The following KATNAL2 variants were observed in gnomAD, a reference collection of about 807,000 sequenced individuals.
The protein encoded by KATNAL2 is katanin p60 ATPase-containing subunit A-like 2.
In KATNAL2, 52 loss-of-function variants were observed where a neutral mutation model predicts 76.3. The ratio of observed to expected loss-of-function variants is 0.68; its 90% CI spans 0.55 to 0.86. The LOEUF (loss-of-function observed/expected upper bound fraction) is 0.86, where lower values mean the gene tolerates loss of function less well. Ranked by LOEUF, KATNAL2 falls within the 40% of genes least tolerant of loss-of-function variation. The probability of loss-of-function intolerance (pLI) is 0.00; values close to 1 mark genes in which losing one functional copy is unlikely to be tolerated. For synonymous variants in KATNAL2, 243 were observed against 244.2 expected (o/e 1.00, Z 0.05); for missense variants, 660 against 668.9 (o/e 0.99, Z 0.15).
chr18:47,058,335 A>G lies in KATNAL2; in HGVS notation c.433A>G (p.Lys145Glu). 1 of 1,611,824 alleles carries G rather than the reference A, an allele frequency of 6.2e-7. No individual in the cohort carries two copies. The highest frequency in any genetic ancestry group is 8.5e-7 in the Non-Finnish European group (1 of 1,177,914). The part of the protein sequence containing the change: ...GKTGDTKSLN[K>E]EHPNQEVVDN... ...GACAGGGGACACCAAATCGCTCAATAAGGAGCATCCTAATCAGGTCAGGAT... is the reference window on the plus strand; with the variant it reads ...GACAGGGGACACCAAATCGCTCAATGAGGAGCATCCTAATCAGGTCAGGAT... The change falls in exon 7 of 18, where the codon AAG becomes GAG. Residue 145 changes from lysine to glutamate, a missense_variant. By Grantham distance (56) the Lys-to-Glu change is moderately conservative. Coordinates refer to ENST00000683218, the MANE Select transcript of KATNAL2 (RefSeq NM_001387690.1).
At chr18:46,920,021 CAGTA>C in intron 1 of KATNAL2, 2 of 1,276,610 alleles carry the variant, frequency 1.6e-6, no homozygotes, top group Non-Finnish European at 1.0e-6. Flanking sequence ...AAACACAAAA[CAGTA>C]AGAAAAGAAA....
rs145116787 is a variant in KATNAL2, at chr18:47,037,517, G to A, written c.52-8940G>A. 2.0e-4 allele frequency among the ~76,000 whole-genome samples: 30 copies of A among 152,160 alleles called. No homozygotes were observed. The East Asian group carries it at 4.2e-3, about 22-fold the overall frequency. ...TACAGTTTAAATGGATCCTTTTTGC[G>A]GGGAATGGCTCATTCTTAGTTTTTT... On this transcript the variant is annotated intron_variant, in intron 3 of 17. Transcript: ENST00000683218.
At chr18:47,098,148 T>C in intron 15 of KATNAL2, 1 of 297,984 alleles carries the variant, frequency 3.4e-6, no homozygotes, top group Non-Finnish European at 6.7e-6. Flanking sequence ...AGATGTTCAA[T>C]TGTTTTATTC....
chr18:47,082,758 C>T (rs2062587909), intron 15 of KATNAL2, among the ~76,000 whole-genome samples: 2 of 152,114 alleles, frequency 1.3e-5, no homozygotes, highest in Non-Finnish European at 2.9e-5. Flanking sequence ...GTGGAGACCA[C>T]ACTTTGTGTA....
At chr18:47,086,960 G>T (rs781682172) in intron 15 of KATNAL2, among the ~76,000 whole-genome samples, 1 of 152,046 alleles carries the variant, frequency 6.6e-6, no homozygotes, top group Non-Finnish European at 1.5e-5. Context: ...GTTGACATGC[G>T]AATCATACAT....
chr18:47,063,326 A>G lies in KATNAL2; in HGVS notation c.691A>G (p.Ser231Gly), dbSNP rs536393526. Reference sequence around the variant, plus strand: ...TCTGAGTGCATTTATTGGCATGAACAGTGAGATGCGAGAATTGGCAGCCGT... The same window carrying G: ...TCTGAGTGCATTTATTGGCATGAACGGTGAGATGCGAGAATTGGCAGCCGT... ...KPLSAFIGMN[S>G]EMRELAAVVS... Residue 231 changes from serine (S) to glycine (G), a missense_variant, in exon 10 of 18, where the codon AGT (serine) becomes GGT (glycine). Ser to Gly is a moderately conservative substitution (Grantham distance 56). Coordinates refer to ENST00000683218, the MANE Select transcript of KATNAL2 (RefSeq NM_001387690.1). 102 of 1,613,938 alleles carry G rather than the reference A, an allele frequency of 6.3e-5. No individual in the cohort carries two copies. In the East Asian group the frequency reaches 7.8e-4, roughly 12 times the overall value.
chr18:47,043,657 G>A lies in KATNAL2; in HGVS notation c.52-2800G>A, dbSNP rs548833964. Among the ~76,000 whole-genome samples, 6 of 152,272 alleles carry A rather than the reference G, an allele frequency of 3.9e-5. No individual in the cohort carries two copies. The South Asian group carries it at 1.0e-3, about 26-fold the overall frequency. On this transcript the variant is annotated intron_variant, in intron 3 of 17. Transcript: ENST00000683218. ...GTCAGTCTCTAGAGTAGAACGGGAG[G>A]ATAGAGGCTCCAAGAGGGAAGCAAG... is the stretch of plus-strand genomic sequence containing the variant.
chr18:47,099,407 T>A lies in KATNAL2; in HGVS notation c.1374+2T>A. The A allele has an allele frequency of 6.2e-7, 1 of 1,607,778 alleles. No individual in the cohort carries two copies. Among genetic ancestry groups the A allele is most frequent in the Non-Finnish European group, 8.5e-7 (1 of 1,176,158 alleles). ...CTGGAGTACAGTGTGCTGAGCCAGGTCAGCTGCCCTGGAGAGGGGCACATG... is the reference window on the plus strand; with the variant it reads ...CTGGAGTACAGTGTGCTGAGCCAGGACAGCTGCCCTGGAGAGGGGCACATG... On this transcript the variant is annotated splice_donor_variant, in intron 16 of 17. Coordinates refer to ENST00000683218, the MANE Select transcript of KATNAL2 (RefSeq NM_001387690.1). LOFTEE classifies it high-confidence loss of function.
intron 3 of KATNAL2, among the ~76,000 whole-genome samples, chr18:46,949,855 C>A (rs7232114): frequency 3.9e-5 from 6 of 152,166 alleles, no homozygotes; most frequent in African/African-American, 9.6e-5. Flanking sequence ...GCTATTACCC[C>A]TTGGTTTTTG....
chr18:46,941,206 C>G (rs1181696263), intron 1 of KATNAL2, among the ~76,000 whole-genome samples: 1 of 151,880 alleles, frequency 6.6e-6, no homozygotes, highest in Non-Finnish European at 1.5e-5. Flanking sequence ...CACCTGTAAT[C>G]CCAGCTACTG....
intron 4 of KATNAL2, among the ~76,000 whole-genome samples, chr18:47,047,342 A>G (rs1003543176): frequency 2.6e-5 from 4 of 152,244 alleles, no homozygotes; most frequent in African/African-American, 9.6e-5. Context: ...ATTTGAAGAT[A>G]GCACAGAAAT....
intron 3 of KATNAL2, chr18:47,032,889 C>G: frequency 1.3e-6 from 2 of 1,586,368 alleles, no homozygotes; most frequent in South Asian, 2.3e-5. Flanking sequence ...AAAGGCTCAA[C>G]TTTGCACCAA....
At chr18:46,959,939 A>T (rs955371534) in intron 3 of KATNAL2, among the ~76,000 whole-genome samples, 1 of 152,234 alleles carries the variant, frequency 6.6e-6, no homozygotes, top group African/African-American at 2.4e-5. Flanking sequence ...TAAACATTTT[A>T]AAAAATTGAT....
At chr18:47,075,698 C>G (rs934033244) in intron 14 of KATNAL2, among the ~76,000 whole-genome samples, 1 of 152,184 alleles carries the variant, frequency 6.6e-6, no homozygotes, top group Non-Finnish European at 1.5e-5. Flanking sequence ...GCTGTGATGG[C>G]CTCCTCTGGA....
chr18:46,926,276 T>C (rs1403668186), intron 1 of KATNAL2, among the ~76,000 whole-genome samples: 1 of 152,194 alleles, frequency 6.6e-6, no homozygotes, highest in Non-Finnish European at 1.5e-5. Context: ...GAGATTCTGG[T>C]ATGTTGTGTG....
intron 3 of KATNAL2, among the ~76,000 whole-genome samples, chr18:46,961,476 A>G (rs1476051128): frequency 6.6e-6 from 1 of 152,234 alleles, no homozygotes; most frequent in Non-Finnish European, 1.5e-5. Context: ...TAGCAACAAA[A>G]ACTTTTATCA....
chr18:47,058,071 A>T (rs1286116648), intron 6 of KATNAL2, among the ~76,000 whole-genome samples, 164 bp from the exon 7 acceptor site: 4 of 152,184 alleles, frequency 2.6e-5, no homozygotes, highest in Non-Finnish European at 5.9e-5. Flanking sequence ...TAGGGCCAGG[A>T]TGGACCTGGT....
chr18:46,961,775 G>C (rs1023156664), intron 3 of KATNAL2, among the ~76,000 whole-genome samples: 2 of 152,128 alleles, frequency 1.3e-5, no homozygotes, highest in South Asian at 2.1e-4. Context: ...TCCAAGGCCA[G>C]TCTATTTTGA....
At chr18:46,943,982 C>T (rs2059316476) in intron 1 of KATNAL2, among the ~76,000 whole-genome samples, 1 of 152,168 alleles carries the variant, frequency 6.6e-6, no homozygotes, top group Non-Finnish European at 1.5e-5. Context: ...TATCTCAGTT[C>T]TGTGATGCCT....
Sources: gnomAD v4.1 joint callset for allele counts (sites outside exome capture counted in the v4.1 genomes callset) on GRCh38, gnomAD v4.1.1 for gene constraint, MANE v1.5 for transcripts, NCBI Gene and HGNC (gene_info 2026-07-23, HGNC 2026-07-21) for gene names.